The following SMTNL2 variants were observed in gnomAD, a reference collection of about 807,000 sequenced individuals.
SMTNL2 encodes the protein smoothelin-like protein 2.
Under a neutral mutation model 44.1 loss-of-function variants are expected in SMTNL2, and 43 were observed. The observed-to-expected ratio is 0.98, with a 90% confidence interval of 0.76 to 1.26. The LOEUF (loss-of-function observed/expected upper bound fraction) is 1.26, where lower values mean the gene tolerates loss of function less well. Ranked by LOEUF, SMTNL2 falls within the 50% of genes most tolerant of loss-of-function variation. The pLI is 0.00. For missense variants in SMTNL2, 646 were observed against 670.2 expected (o/e 0.96, Z 0.40); for synonymous variants, 317 against 287.6 (o/e 1.10, Z -1.03).
intron 4 of SMTNL2, 65 bp downstream of exon 4, chr17:4,593,962 A>G: frequency 3.8e-6 from 6 of 1,578,726 alleles, no homozygotes; most frequent in Non-Finnish European, 5.2e-6. Flanking sequence ...CTTTGGACGC[A>G]GGCCGCCCAG....
chr17:4,603,456 G>A (rs543320060), intron 7 of SMTNL2, among the ~76,000 whole-genome samples: 12 of 152,200 alleles, frequency 7.9e-5, no homozygotes, highest in Non-Finnish European at 1.5e-4. Flanking sequence ...GAACTTTCTC[G>A]TGGTCAGAGC....
At chr17:4,585,684 C>A (rs752543334) in intron 1 of SMTNL2, among the ~76,000 whole-genome samples, 1 of 152,234 alleles carries the variant, frequency 6.6e-6, no homozygotes, top group African/African-American at 2.4e-5. Context: ...CACTACCTTG[C>A]GCATGGGCCA....
upstream of SMTNL2, chr17:4,584,408 C>A: frequency 2.1e-6 from 1 of 473,230 alleles, no homozygotes; most frequent in Non-Finnish European, 3.3e-6. Context: ...TCCCTCCGCA[C>A]CGTCCCGCTG....
intron 1 of SMTNL2, among the ~76,000 whole-genome samples, chr17:4,587,411 G>A (rs1909386628): frequency 6.6e-6 from 1 of 152,242 alleles, no homozygotes; most frequent in Non-Finnish European, 1.5e-5. Flanking sequence ...ATTGAGAGGA[G>A]GGACTGTGTG....
In SMTNL2 at chr17:4,607,343, G is replaced by A. The variant is rs370427561; in HGVS notation, c.1260-18G>A. The A allele has an allele frequency of 1.1e-5, 17 of 1,613,698 alleles. No individual in the cohort carries two copies. The highest frequency in any genetic ancestry group is 4.0e-5 in the African/African-American group (3 of 74,892). ...TGATGGCTGGGACCACCGTTCTGACGGGGCTTGTGTGTTTCAGGAATCTGG... is the reference window on the plus strand; with the variant it reads ...TGATGGCTGGGACCACCGTTCTGACAGGGCTTGTGTGTTTCAGGAATCTGG... On this transcript the variant is annotated intron_variant, in intron 7 of 7. Coordinates refer to ENST00000389313, the MANE Select transcript of SMTNL2 (RefSeq NM_001114974.2). This position sits in a 1 kb window ranked among gnomAD's most constrained non-coding sequence, Gnocchi z 4.7.
At chr17:4,585,725 G>GGGATTTTCCCA (rs1909321284) in intron 1 of SMTNL2, among the ~76,000 whole-genome samples, 3 of 152,250 alleles carry the variant, frequency 2.0e-5, no homozygotes, top group Admixed American at 2.0e-4. Context: ...TCCATGGTGT[G>GGGATTTTCCCA]TGCAGTGGCC....
chr17:4,594,315 G>C (rs867364991), intron 4 of SMTNL2, among the ~76,000 whole-genome samples: 6 of 152,258 alleles, frequency 3.9e-5, no homozygotes, highest in Middle Eastern at 6.8e-3. Flanking sequence ...TGGGCATGGT[G>C]GTGGGTGCCT....
rs1449389115 is a variant in SMTNL2, at chr17:4,598,424, G to A, written c.1259+1101G>A. On this transcript the variant is annotated intron_variant, in intron 7 of 7. Transcript: ENST00000389313. The surrounding 1 kb of genome is among the most constrained non-coding windows in gnomAD (Gnocchi z 4.8). ...CAAAGCCGAGTCTTCTGGAGGGCGCGTTTGTTATTCTCTCCCTGCCTTTGT... is the reference window on the plus strand; with the variant it reads ...CAAAGCCGAGTCTTCTGGAGGGCGCATTTGTTATTCTCTCCCTGCCTTTGT... 2.6e-5 allele frequency among the ~76,000 whole-genome samples: 4 copies of A among 152,170 alleles called. No individual in the cohort carries two copies. The highest frequency in any genetic ancestry group is 2.1e-4 in the South Asian group (1 of 4,832).
At chr17:4,596,633 C>T (rs1456026993) in intron 5 of SMTNL2, among the ~76,000 whole-genome samples, 4 of 152,152 alleles carry the variant, frequency 2.6e-5, no homozygotes. Context: ...GGGGTGTGGA[C>T]GGTCCTGCCA....
intron 7 of SMTNL2, among the ~76,000 whole-genome samples, chr17:4,603,835 TTTC>T (rs1197249357): frequency 6.6e-6 from 1 of 151,922 alleles, no homozygotes; most frequent in Non-Finnish European, 1.5e-5. Flanking sequence ...GAACTCAGAT[TTTC>T]TTTTCTTTCC....
In SMTNL2 at chr17:4,597,321, CGAGT is replaced by C. The variant is rs1323011825; in HGVS notation, c.1259+3_1259+6del. On this transcript the variant is annotated splice_donor_variant and coding_sequence_variant, in exon 7 of 8. Coordinates refer to ENST00000389313, the MANE Select transcript of SMTNL2 (RefSeq NM_001114974.2). LOFTEE classifies it high-confidence loss of function. ...ACTTCGAGCTGGCTTTCACCATGGC[CGAGT>C]GAGTATGGTGGCTCCTGCTGGCTAC... The C allele has an allele frequency of 6.2e-7, 1 of 1,613,592 alleles. No homozygotes were observed. The highest frequency in any genetic ancestry group is 8.5e-7 in the Non-Finnish European group (1 of 1,179,752).
At chr17:4,593,288 C>A in intron 3 of SMTNL2, 117 bp downstream of exon 3, 1 of 1,391,352 alleles carries the variant, frequency 7.2e-7, no homozygotes, top group Non-Finnish European at 9.5e-7. Context: ...CTAAGCCCAG[C>A]CCTGCCTCTG....
chr17:4,597,014 C>A, intron 6 of SMTNL2, 37 bp downstream of exon 6: 2 of 1,477,778 alleles, frequency 1.4e-6, no homozygotes, highest in South Asian at 2.7e-5. Context: ...TGGGACGCCC[C>A]AGCTAAAAGC....
intron 7 of SMTNL2, among the ~76,000 whole-genome samples, chr17:4,606,883 C>T (rs1433088831): frequency 1.3e-5 from 2 of 152,122 alleles, no homozygotes; most frequent in East Asian, 3.9e-4. Flanking sequence ...GCGCTCCAGC[C>T]TGGGCAACAA....
intron 5 of SMTNL2, among the ~76,000 whole-genome samples, chr17:4,596,602 C>G (rs1909824269): frequency 6.6e-6 from 1 of 151,964 alleles, no homozygotes; most frequent in Non-Finnish European, 1.5e-5. Flanking sequence ...GGGGAATAAA[C>G]AGGGGACCTG....
In SMTNL2 at chr17:4,592,466, G is replaced by C; in HGVS notation, c.487+18G>C. ...GGGGGCAGGTAGGGCTGACGGCAGA[G>C]GAGGGGTGGCTGGGTAGGTTTGGGG... On this transcript the variant is annotated intron_variant, in intron 2 of 7. Transcript: ENST00000389313. This position sits in a 1 kb window ranked among gnomAD's most constrained non-coding sequence, Gnocchi z 4.5. 1 of 1,607,930 alleles carries C rather than the reference G, an allele frequency of 6.2e-7. No homozygotes were observed. Among genetic ancestry groups the C allele is most frequent in the Non-Finnish European group, 8.5e-7 (1 of 1,177,154 alleles).
chr17:4,594,022 G>C, intron 4 of SMTNL2, 125 bp downstream of exon 4: 1 of 929,350 alleles, frequency 1.1e-6, no homozygotes, highest in Non-Finnish European at 1.7e-6. Flanking sequence ...GCTGGATCTC[G>C]GGAGCACTGG....
intron 7 of SMTNL2, among the ~76,000 whole-genome samples, chr17:4,602,254 A>G (rs1184253402): frequency 6.8e-6 from 1 of 147,890 alleles, no homozygotes; most frequent in East Asian, 2.0e-4. Context: ...AGCTGGCACC[A>G]TGTCTCTGAG....
chr17:4,595,394 G>A lies in SMTNL2; in HGVS notation c.989+67G>A. On this transcript the variant is annotated intron_variant, in intron 5 of 7. Coordinates refer to ENST00000389313, the MANE Select transcript of SMTNL2 (RefSeq NM_001114974.2). The surrounding 1 kb of genome is among the most constrained non-coding windows in gnomAD (Gnocchi z 5.1). ...GCCCAGACCCAGACGGGGCTTGGGT[G>A]GGTGCAGCAGGGCAAGGTTCAGCCC... 1 of 1,557,714 alleles carries A rather than the reference G, an allele frequency of 6.4e-7. No homozygotes were observed. The highest frequency in any genetic ancestry group is 8.7e-7 in the Non-Finnish European group (1 of 1,148,740).
Sources: gnomAD v4.1 joint callset for allele counts (sites outside exome capture counted in the v4.1 genomes callset) on GRCh38, gnomAD v4.1.1 for gene constraint, Gnocchi (gnomAD v3.1) non-coding constraint, MANE v1.5 for transcripts, NCBI Gene and HGNC (gene_info 2026-07-23, HGNC 2026-07-21) for gene names.